NLRC3: variants seen among roughly 807,000 people sequenced by gnomAD.
NLRC3 encodes NLR family CARD domain-containing protein 3.
A neutral mutation model predicts 91.6 loss-of-function variants in NLRC3; 87 were observed. The ratio of observed to expected loss-of-function variants is 0.95; its 90% CI spans 0.80 to 1.14. The LOEUF is 1.14. NLRC3 is among the 50% of genes most tolerant of loss of function. The pLI is 0.00. For missense variants in NLRC3, 1,577 were observed against 1,418.6 expected (o/e 1.11, Z -1.79); for synonymous variants, 694 against 625.3 (o/e 1.11, Z -1.64).
chr16:3,568,140 G>T (rs920431228), intron 1 of NLRC3, among the ~76,000 whole-genome samples: 2 of 152,104 alleles, frequency 1.3e-5, no homozygotes, highest in African/African-American at 4.8e-5. Flanking sequence ...TTTTAACACA[G>T]GTGATGCTTT....
intron 6 of NLRC3, among the ~76,000 whole-genome samples, chr16:3,557,974 A>C (rs2039427639): frequency 6.6e-6 from 1 of 152,226 alleles, no homozygotes; most frequent in Non-Finnish European, 1.5e-5. Context: ...AAGAAAATGG[A>C]AATCTCGGAA....
chr16:3,572,751 A>G (rs960931286), intron 1 of NLRC3, among the ~76,000 whole-genome samples: 3 of 152,152 alleles, frequency 2.0e-5, no homozygotes, highest in Admixed American at 6.5e-5. Flanking sequence ...GGTGACTCAC[A>G]CCTGTAATCC....
intron 8 of NLRC3, chr16:3,555,716 C>T (rs918682563): frequency 3.1e-4 from 47 of 151,738 alleles, no homozygotes; most frequent in African/African-American, 1.1e-3. Context: ...GCACCTGTCA[C>T]CATGCCTGGC....
Position 3,572,845 on chromosome 16 carries a change from T to A in NLRC3, c.-169+4304A>T, listed in dbSNP as rs576219987. The stretch of plus-strand genomic sequence containing the variant: ...CTGGCCAACATGGTGAAACCCCGTC[T>A]CTACTAAAAATACAAAAATTAGCTG... On this transcript the variant is annotated intron_variant, in intron 1 of 19. Transcript: ENST00000359128. Among the ~76,000 whole-genome samples, 18 of 151,568 alleles carry A rather than the reference T, an allele frequency of 1.2e-4. No homozygotes were observed. In the East Asian group the frequency reaches 3.5e-3, roughly 30 times the overall value.
intron 5 of NLRC3, chr16:3,562,792 T>A: frequency 3.0e-6 from 2 of 657,446 alleles, no homozygotes; most frequent in Non-Finnish European, 5.5e-6. Flanking sequence ...CCTATATGTT[T>A]CAGAGAGCGC....
At chr16:3,569,506 C>A (rs2040022381) in intron 1 of NLRC3, among the ~76,000 whole-genome samples, 1 of 136,530 alleles carries the variant, frequency 7.3e-6, no homozygotes, top group Non-Finnish European at 1.5e-5. Flanking sequence ...TCAAGTGATT[C>A]TCCTGCCTTA....
At position 3,563,523 on chromosome 16, in the gene NLRC3, T is replaced by G; in HGVS notation, c.1414A>C (p.Arg472=). 6.2e-7 allele frequency: 1 copy of G among 1,606,064 alleles called. No homozygotes were observed. Among genetic ancestry groups the G allele is most frequent in the Non-Finnish European group, 8.5e-7 (1 of 1,176,676 alleles). The change falls in exon 5 of 20, where the codon AGG becomes CGG. Residue 472 remains arginine, a synonymous_variant. Transcript: ENST00000359128. ...GTGAAGAGGTCGAAGATGGCCCTCCTGGATGCGCCATAGTAATACGCGGCT... is the reference window on the plus strand; with the variant it reads ...GTGAAGAGGTCGAAGATGGCCCTCCGGGATGCGCCATAGTAATACGCGGCT... The part of the protein sequence containing the change: ...VAAAYYYGAS[R]RAIFDLFTES...
chr16:3,571,125 A>G (rs1334682560), intron 1 of NLRC3, among the ~76,000 whole-genome samples: 1 of 152,214 alleles, frequency 6.6e-6, no homozygotes, highest in Non-Finnish European at 1.5e-5. Flanking sequence ...TGACAAAAAT[A>G]GCATTTCAAA....
chr16:3,576,103 A>G (rs2040281311), intron 1 of NLRC3, among the ~76,000 whole-genome samples: 1 of 150,268 alleles, frequency 6.7e-6, no homozygotes, highest in Non-Finnish European at 1.5e-5. Flanking sequence ...CTGGGACAGA[A>G]GAAGAGGGGT....
rs760873424 is a variant in NLRC3, at chr16:3,565,043, G to A, written c.-7C>T. On this transcript the variant is annotated 5_prime_UTR_variant, in exon 4 of 20. It introduces an in-frame stop codon into an upstream open reading frame of the 5' UTR. Transcript: ENST00000359128. ...GCACCTCTTGCTTCCTCATGGAGTC[G>A]GGGATCACCTCCAGGAGCTGTGAAG... 5.0e-6 allele frequency: 8 copies of A among 1,607,614 alleles called. No individual in the cohort carries two copies. Among genetic ancestry groups the A allele is most frequent in the Non-Finnish European group, 6.8e-6 (8 of 1,179,466 alleles).
rs746706858 is a variant in NLRC3, at chr16:3,548,264, T to C, written c.2688-46A>G. Reference sequence around the variant, plus strand: ...GTGACTATGTGACTATGTGACTATGTGGCCCTGGGGCAGAGCCAAGGAGGC... The same window carrying C: ...GTGACTATGTGACTATGTGACTATGCGGCCCTGGGGCAGAGCCAAGGAGGC... On this transcript the variant is annotated intron_variant, in intron 14 of 19. Transcript: ENST00000359128. 51 of 1,479,478 alleles carry C rather than the reference T, an allele frequency of 3.4e-5. No homozygotes were observed. The South Asian group carries it at 5.7e-4, about 16-fold the overall frequency. The allele number at this position is 1,479,478 out of a possible 1,614,324, so 91.6% of individuals were successfully genotyped here.
Position 3,549,699 on chromosome 16 carries a change from G to A in NLRC3, c.2517C>T (p.Leu839=). 1 of 1,550,366 alleles carries A rather than the reference G, an allele frequency of 6.5e-7. No individual in the cohort carries two copies. The highest frequency in any genetic ancestry group is 1.2e-5 in the South Asian group (1 of 84,034). ...TGGAGAGGGTGGCCAGGACTTACCT[G>A]AGGCTGAGGAGGGTCTGGTTGGTGC... ...ALCTNQTLLS[L]SLRENSISPE... Residue 839 remains leucine (L), a splice_region_variant and synonymous_variant, in exon 12 of 20, where the codon CTC becomes CTT. Coordinates refer to ENST00000359128, the MANE Select transcript of NLRC3 (RefSeq NM_178844.4).
At chr16:3,551,247 C>CTCACTCATTCAT (rs907226947) in intron 10 of NLRC3, among the ~76,000 whole-genome samples, 2 of 148,914 alleles carry the variant, frequency 1.3e-5, no homozygotes, top group African/African-American at 4.9e-5. Flanking sequence ...CACCCACCCA[C>CTCACTCATTCAT]TCACTCATTC....
rs2039837232 is a variant in NLRC3, at chr16:3,565,470, A to C, written c.-86-90T>G. ...TCTGTTGGAACATGTGGGAAAAAGC[A>C]AAAAAAAAAAAAAAAAAAAAAAAAA... On this transcript the variant is annotated intron_variant, in intron 2 of 19. Transcript: ENST00000359128. 3 of 50,284 alleles carry C rather than the reference A, an allele frequency of 6.0e-5. No individual in the cohort carries two copies. In the African/African-American group the frequency reaches 2.1e-3, roughly 35 times the overall value. 3.1% of individuals were successfully genotyped at this position (50,284 alleles called of 1,614,324 possible). A position where few individuals can be genotyped will look rare whatever the true frequency, so the allele number is the denominator to read the frequency against.
At position 3,564,161 on chromosome 16, in the gene NLRC3, G is replaced by A. The variant is rs756465479; in HGVS notation, c.776C>T (p.Pro259Leu). 1.5e-5 allele frequency: 25 copies of A among 1,613,676 alleles called. No individual in the cohort carries two copies. The highest frequency in any genetic ancestry group is 1.6e-4 in the Middle Eastern group (1 of 6,062). The change falls in exon 5 of 20, where the codon CCG becomes CTG. Residue 259 changes from proline (P) to leucine (L), a missense_variant. Transcript: ENST00000359128. This position sits in a 1 kb window ranked among gnomAD's most constrained non-coding sequence, Gnocchi z 5.9. Reference sequence around the variant, plus strand: ...GGAGGTGATCCAGATGGAAACTTCCGGAAAGAGGTTGCCACGGATGATGTT... The same window carrying A: ...GGAGGTGATCCAGATGGAAACTTCCAGAAAGAGGTTGCCACGGATGATGTT... The part of the protein sequence containing the change: ...ITNIIRGNLF[P>L]EVSIWITSRP...
Position 3,564,289 on chromosome 16 carries a change from C to A in NLRC3, c.648G>T (p.Leu216=). 1 of 1,612,018 alleles carries A rather than the reference C, an allele frequency of 6.2e-7. No homozygotes were observed. The highest frequency in any genetic ancestry group is 8.5e-7 in the Non-Finnish European group (1 of 1,179,626). Residue 216 remains leucine (L), a synonymous_variant, in exon 5 of 20, where the codon CTG becomes CTT. Coordinates refer to ENST00000359128, the MANE Select transcript of NLRC3 (RefSeq NM_178844.4). The surrounding 1 kb of genome is among the most constrained non-coding windows in gnomAD (Gnocchi z 5.9). ...LAVAVPARAL[L]ILDGLDECRT... is the part of the protein sequence containing the mutation. ...TGCACTCATCCAAGCCGTCCAGGAT[C>A]AGGAGGGCCCTGGCTGGGACTGCCA...
intron 16 of NLRC3, 104 bp from the exon 17 acceptor site, chr16:3,543,612 A>C (rs2151080190): frequency 1.3e-6 from 1 of 771,470 alleles, no homozygotes; most frequent in East Asian, 2.7e-5. Flanking sequence ...AAAGTGGAGA[A>C]ACAGCACTGA....
chr16:3,547,239 C>G (rs923853880), intron 15 of NLRC3, among the ~76,000 whole-genome samples: 7 of 152,188 alleles, frequency 4.6e-5, no homozygotes, highest in African/African-American at 1.7e-4. Context: ...TTGAGACAGG[C>G]TACAATGTGG....
intron 2 of NLRC3, among the ~76,000 whole-genome samples, chr16:3,565,746 C>T (rs1228295702): frequency 6.6e-6 from 1 of 151,770 alleles, no homozygotes; most frequent in Non-Finnish European, 1.5e-5. Flanking sequence ...CGTACAACTC[C>T]AAGAGTGAGC....
Sources: gnomAD v4.1 joint callset for allele counts (sites outside exome capture counted in the v4.1 genomes callset) on GRCh38, gnomAD v4.1.1 for gene constraint, Gnocchi (gnomAD v3.1) non-coding constraint, MANE v1.5 for transcripts, NCBI Gene and HGNC (gene_info 2026-07-23, HGNC 2026-07-21) for gene names.